Variants in PDSS2 observed in about 807,000 individuals in gnomAD.
The protein encoded by PDSS2 is decaprenyl diphosphate synthase subunit 2.
PDSS2 carries 31 observed loss-of-function variants against 44.5 expected under a neutral mutation model. The observed-to-expected ratio is 0.70, with a 90% CI of 0.52 to 0.94. PDSS2 has a LOEUF of 0.94. Ranked by LOEUF, PDSS2 falls within the 40% of genes least tolerant of loss-of-function variation. PDSS2 has a pLI of 0.00. For synonymous variants in PDSS2, 157 were observed against 180.3 expected (o/e 0.87, Z 1.03); for missense variants, 452 against 482.2 (o/e 0.94, Z 0.59).
Position 107,334,287 on chromosome 6 carries a change from C to G in PDSS2, c.342G>C (p.Leu114Phe), listed in dbSNP as rs1364929327. Residue 114 changes from leucine to phenylalanine, a missense_variant, in exon 2 of 8, where the codon TTG (leucine) becomes TTC (phenylalanine). Physicochemically the swap from Leu to Phe is conservative, Grantham distance 22. Coordinates refer to ENST00000369037, the MANE Select transcript of PDSS2 (RefSeq NM_020381.4). ...CTGCTTTAGAGATAAGGAGCACCACCAAGCCCCTCAACTGGAGGCTATTCC... is the reference window on the plus strand; with the variant it reads ...CTGCTTTAGAGATAAGGAGCACCACGAAGCCCCTCAACTGGAGGCTATTCC... ...DSWNSLQLRG[L>F]VVLLISKAAG... is the part of the protein sequence containing the mutation. 6.2e-7 allele frequency: 1 copy of G among 1,613,310 alleles called. No homozygotes were observed. The highest frequency in any genetic ancestry group is 8.5e-7 in the Non-Finnish European group (1 of 1,179,518).
intron 2 of PDSS2, among the ~76,000 whole-genome samples, chr6:107,296,943 T>C (rs1271280358): frequency 6.6e-6 from 1 of 152,214 alleles, no homozygotes; most frequent in East Asian, 1.9e-4. Flanking sequence ...ATGAAACATT[T>C]AATGGTGTTG....
intron 1 of PDSS2, among the ~76,000 whole-genome samples, chr6:107,360,082 A>C (rs1778721942): frequency 6.6e-6 from 1 of 152,170 alleles, no homozygotes; most frequent in African/African-American, 2.4e-5. Flanking sequence ...TGGTATATAA[A>C]TTTTGTGGGC....
chr6:107,205,100 T>C (rs1772926420), intron 6 of PDSS2, among the ~76,000 whole-genome samples: 1 of 152,248 alleles, frequency 6.6e-6, no homozygotes, highest in Admixed American at 6.5e-5. Context: ...ATTTTCTCTT[T>C]TGTTTAAGAA....
At chr6:107,337,510 A>G (rs994849233) in intron 1 of PDSS2, among the ~76,000 whole-genome samples, 6 of 152,190 alleles carry the variant, frequency 3.9e-5, no homozygotes, top group Admixed American at 3.3e-4. Flanking sequence ...TAAGGCTATG[A>G]CCTCTTGTAT....
At chr6:107,424,879 A>G (rs1179170514) in intron 1 of PDSS2, among the ~76,000 whole-genome samples, 1 of 152,146 alleles carries the variant, frequency 6.6e-6, no homozygotes, top group Non-Finnish European at 1.5e-5. Context: ...CTGTGTCCCC[A>G]CCCAAATTTC....
intron 2 of PDSS2, among the ~76,000 whole-genome samples, chr6:107,305,314 G>T (rs1056773999): frequency 2.6e-4 from 39 of 152,062 alleles, no homozygotes; most frequent in Admixed American, 2.6e-3. Flanking sequence ...CCAGCACTTG[G>T]TCATTTTCCA....
chr6:107,257,230 C>T (rs1775053067), intron 3 of PDSS2, among the ~76,000 whole-genome samples: 1 of 151,056 alleles, frequency 6.6e-6, no homozygotes, highest in East Asian at 2.0e-4. Flanking sequence ...CCACATTGTA[C>T]CCTTGGATCA....
chr6:107,269,198 A>C (rs1375135281), intron 3 of PDSS2, among the ~76,000 whole-genome samples: 1 of 152,304 alleles, frequency 6.6e-6, no homozygotes, highest in South Asian at 2.1e-4. Context: ...CTGGGATTAT[A>C]AGCGTGAGCC....
intron 2 of PDSS2, among the ~76,000 whole-genome samples, chr6:107,277,124 C>T (rs1437539274): frequency 1.3e-5 from 2 of 152,160 alleles, no homozygotes; most frequent in African/African-American, 4.8e-5. Flanking sequence ...CCACATGTGC[C>T]CATTGAAAGC....
chr6:107,374,253 CAAA>C (rs3033569), intron 1 of PDSS2, among the ~76,000 whole-genome samples: 3 of 70,564 alleles, frequency 4.3e-5, no homozygotes, highest in Admixed American at 3.5e-4. Flanking sequence ...GACTCCATCA[CAAA>C]AAAAAAAAAA....
intron 2 of PDSS2, among the ~76,000 whole-genome samples, chr6:107,309,547 T>C (rs970834129): frequency 1.3e-5 from 2 of 152,182 alleles, no homozygotes; most frequent in Middle Eastern, 3.2e-3. Flanking sequence ...AAGCCTTCTC[T>C]ATGAAAAAGA....
chr6:107,227,155 A>G (rs1229207577), intron 4 of PDSS2, among the ~76,000 whole-genome samples: 1 of 147,484 alleles, frequency 6.8e-6, no homozygotes, highest in East Asian at 2.0e-4. Flanking sequence ...AATGTTTTAA[A>G]TATTTTTGGT....
intron 1 of PDSS2, among the ~76,000 whole-genome samples, chr6:107,374,491 A>C (rs2114410194): frequency 6.6e-6 from 1 of 152,286 alleles, no homozygotes; most frequent in Admixed American, 6.5e-5. Flanking sequence ...AGACCTTGGA[A>C]GTACAAAGAA....
At chr6:107,334,665 C>T (rs1289190491) in intron 1 of PDSS2, among the ~76,000 whole-genome samples, 1 of 149,594 alleles carries the variant, frequency 6.7e-6, no homozygotes, top group Non-Finnish European at 1.5e-5. Flanking sequence ...CTCAGTCTCC[C>T]TAGTAGCTGG....
At chr6:107,176,333 G>A (rs947780691) in intron 7 of PDSS2, among the ~76,000 whole-genome samples, 4 of 151,788 alleles carry the variant, frequency 2.6e-5, no homozygotes, top group Non-Finnish European at 5.9e-5. Context: ...GAGCCCCTGC[G>A]CCCGGCCAAA....
intron 3 of PDSS2, chr6:107,264,593 T>A (rs1775352300): frequency 2.3e-6 from 2 of 886,420 alleles, no homozygotes; most frequent in Non-Finnish European, 1.8e-6. Context: ...GTAAAAGACT[T>A]TTCAAAAACA....
At chr6:107,206,867 C>T (rs368407861) in intron 6 of PDSS2, among the ~76,000 whole-genome samples, 10 of 152,064 alleles carry the variant, frequency 6.6e-5, no homozygotes, top group South Asian at 2.1e-4. Flanking sequence ...AACCGGGCTG[C>T]CACCAAACAG....
At chr6:107,254,394 C>T (rs1341866435) in intron 3 of PDSS2, among the ~76,000 whole-genome samples, 1 of 152,088 alleles carries the variant, frequency 6.6e-6, no homozygotes, top group Non-Finnish European at 1.5e-5. Context: ...GAGACGTTTT[C>T]CAGCAGATTT....
intron 3 of PDSS2, among the ~76,000 whole-genome samples, chr6:107,247,044 T>C (rs753460015): frequency 2.0e-5 from 3 of 152,162 alleles, no homozygotes; most frequent in Non-Finnish European, 4.4e-5. Context: ...AGGTATCAGA[T>C]AAGCCCTATT....
Sources: gnomAD v4.1 joint callset for allele counts (sites outside exome capture counted in the v4.1 genomes callset) on GRCh38, gnomAD v4.1.1 for gene constraint, MANE v1.5 for transcripts, NCBI Gene and HGNC (gene_info 2026-07-23, HGNC 2026-07-21) for gene names.